Variants in EYS observed in about 807,000 individuals in gnomAD.
EYS encodes protein eyes shut homolog.
EYS carries 250 observed loss-of-function variants against 282.1 expected under a neutral mutation model. The observed-to-expected ratio is 0.89, with a 90% CI of 0.80 to 0.98. EYS has a LOEUF of 0.98. EYS is among the 50% of genes least tolerant of loss of function. The pLI, the probability that EYS is intolerant of heterozygous loss-of-function variation, is 0.00. For missense variants in EYS, 4,016 were observed against 3,709.0 expected (o/e 1.08, Z -2.15); for synonymous variants, 1,355 against 1,282.9 (o/e 1.06, Z -1.20).
chr6:65,632,840 G>A (rs1054018786), intron 2 of EYS, among the ~76,000 whole-genome samples: 1 of 152,140 alleles, frequency 6.6e-6, no homozygotes, highest in African/African-American at 2.4e-5. Flanking sequence ...CATAGGTGAA[G>A]AAATTGAGTC....
At chr6:63,831,522 A>G (rs577255096) in intron 36 of EYS, among the ~76,000 whole-genome samples, 1 of 152,334 alleles carries the variant, frequency 6.6e-6, no homozygotes, top group Admixed American at 6.5e-5. Context: ...TAACTATCCT[A>G]AATATATATA....
At chr6:64,192,576 G>A (rs1452521727) in intron 31 of EYS, among the ~76,000 whole-genome samples, 1 of 151,990 alleles carries the variant, frequency 6.6e-6, no homozygotes, top group Non-Finnish European at 1.5e-5. Flanking sequence ...AACAAGCAAT[G>A]GGGAAAGGAT....
chr6:64,498,034 G>A (rs570278853), intron 26 of EYS, among the ~76,000 whole-genome samples: 1 of 152,090 alleles, frequency 6.6e-6, no homozygotes, highest in African/African-American at 2.4e-5. Context: ...TAATGATAAA[G>A]TATATTAAAA....
chr6:64,097,667 T>C (rs1170434045), intron 31 of EYS, among the ~76,000 whole-genome samples: 1 of 152,140 alleles, frequency 6.6e-6, no homozygotes, highest in Non-Finnish European at 1.5e-5. Flanking sequence ...TTTCTTTGAC[T>C]AGGGAAGGGA....
At chr6:64,585,613 T>C (rs955116184) in intron 26 of EYS, among the ~76,000 whole-genome samples, 11 of 152,124 alleles carry the variant, frequency 7.2e-5, no homozygotes, top group African/African-American at 2.7e-4. Context: ...AAATAATCTT[T>C]CTCTATGGAC....
intron 30 of EYS, among the ~76,000 whole-genome samples, chr6:64,249,750 G>C (rs1760431589): frequency 6.6e-6 from 1 of 152,214 alleles, no homozygotes; most frequent in Non-Finnish European, 1.5e-5. Flanking sequence ...GTCCTGGAGA[G>C]AGGAATGCAT....
intron 12 of EYS, among the ~76,000 whole-genome samples, chr6:65,204,573 T>A (rs1459198747): frequency 6.6e-6 from 1 of 151,824 alleles, no homozygotes; most frequent in African/African-American, 2.4e-5. Flanking sequence ...GACAATACTC[T>A]CCATCATAAA....
At chr6:63,866,973 T>C (rs1322914191) in intron 35 of EYS, among the ~76,000 whole-genome samples, 2 of 152,196 alleles carry the variant, frequency 1.3e-5, no homozygotes, top group African/African-American at 4.8e-5. Context: ...ATACCTGGAC[T>C]CAAAGGTTTC....
At chr6:63,807,318 C>G (rs531663716) in intron 36 of EYS, among the ~76,000 whole-genome samples, 69 of 152,196 alleles carry the variant, frequency 4.5e-4, no homozygotes, top group African/African-American at 1.6e-3. Flanking sequence ...ATGTTGTTTC[C>G]TTCTCAAGAG....
chr6:64,712,980 C>T (rs754195369), intron 22 of EYS, among the ~76,000 whole-genome samples: 1 of 152,186 alleles, frequency 6.6e-6, no homozygotes, highest in South Asian at 2.1e-4. Flanking sequence ...TCATCCGCAA[C>T]ACCACTGACA....
At chr6:63,780,398 C>T (rs1250900550) in intron 39 of EYS, among the ~76,000 whole-genome samples, 1 of 152,184 alleles carries the variant, frequency 6.6e-6, no homozygotes, top group African/African-American at 2.4e-5. Flanking sequence ...TCCACATCCT[C>T]TCCAGCACCT....
chr6:63,950,547 T>A (rs950797354), intron 35 of EYS, among the ~76,000 whole-genome samples: 3 of 152,156 alleles, frequency 2.0e-5, no homozygotes, highest in African/African-American at 7.2e-5. Flanking sequence ...GCTTTATTGC[T>A]CACACAAAGC....
chr6:65,208,055 A>C (rs1025331384), intron 12 of EYS, among the ~76,000 whole-genome samples: 3 of 151,806 alleles, frequency 2.0e-5, no homozygotes, highest in Non-Finnish European at 4.4e-5. Context: ...AAAAGAAATA[A>C]TTAATAAAGT....
At chr6:64,270,756 T>C (rs1387771527) in intron 30 of EYS, among the ~76,000 whole-genome samples, 1 of 152,218 alleles carries the variant, frequency 6.6e-6, no homozygotes, top group African/African-American at 2.4e-5. Flanking sequence ...AGCACTGGTT[T>C]AGTCTCTTCA....
intron 35 of EYS, among the ~76,000 whole-genome samples, chr6:63,982,490 A>T (rs556537385): frequency 1.2e-4 from 18 of 151,976 alleles, no homozygotes; most frequent in African/African-American, 2.6e-4. Flanking sequence ...GTTGTCAGCC[A>T]GGGGACACCC....
intron 12 of EYS, among the ~76,000 whole-genome samples, chr6:65,274,307 A>G (rs916533464): frequency 1.3e-5 from 2 of 152,190 alleles, no homozygotes; most frequent in Non-Finnish European, 2.9e-5. Context: ...AGGGGTGGTG[A>G]TTTCCATCTT....
At chr6:63,969,398 C>G (rs1766450716) in intron 35 of EYS, among the ~76,000 whole-genome samples, 1 of 152,102 alleles carries the variant, frequency 6.6e-6, no homozygotes, top group South Asian at 2.1e-4. Context: ...TAAAAAAGAG[C>G]ATGAGGAATT....
intron 30 of EYS, among the ~76,000 whole-genome samples, chr6:64,285,788 G>A (rs1050675168): frequency 6.6e-6 from 1 of 152,184 alleles, no homozygotes. Context: ...AGATGCAGAA[G>A]TGGAAACCCC....
At chr6:65,207,917 G>T (rs1470841147) in intron 12 of EYS, among the ~76,000 whole-genome samples, 2 of 151,546 alleles carry the variant, frequency 1.3e-5, no homozygotes, top group Non-Finnish European at 3.0e-5. Flanking sequence ...AACTATAGAA[G>T]TCCTAGAAGA....
Sources: gnomAD v4.1 joint callset for allele counts (sites outside exome capture counted in the v4.1 genomes callset) on GRCh38, gnomAD v4.1.1 for gene constraint, MANE v1.5 for transcripts, NCBI Gene and HGNC (gene_info 2026-07-23, HGNC 2026-07-21) for gene names.